The following MAST4 variants were observed in gnomAD, a reference collection of about 807,000 sequenced individuals.
MAST4 encodes the protein microtubule associated serine/threonine kinase family member 4, also known as microtubule-associated serine/threonine-protein kinase 4.
In MAST4, 89 loss-of-function variants were observed where a neutral mutation model predicts 162.7. That is an observed-to-expected ratio of 0.55 (90% confidence interval 0.46 to 0.65). The LOEUF (loss-of-function observed/expected upper bound fraction) is 0.65. MAST4 is among the 30% of genes least tolerant of loss of function. The probability of loss-of-function intolerance (pLI) is 0.00; values close to 1 mark genes in which losing one functional copy is unlikely to be tolerated. For missense variants in MAST4, 3,153 were observed against 3,374.0 expected, an observed-to-expected ratio of 0.93 and a Z score of 1.62; for synonymous variants, 1,479 against 1,361.1, an observed-to-expected ratio of 1.09 and a Z score of -1.91.
chr5:67,138,428 T>G (rs1365211555), intron 19 of MAST4, among the ~76,000 whole-genome samples: 1 of 151,970 alleles, frequency 6.6e-6, no homozygotes, highest in East Asian at 1.9e-4. Flanking sequence ...GGTGGGTGGG[T>G]GGGGTGGTTT....
intron 4 of MAST4, among the ~76,000 whole-genome samples, chr5:66,954,900 C>CAAAAAAAAAAAAAAAA (rs538274808): frequency 7.2e-5 from 10 of 139,428 alleles, no homozygotes; most frequent in African/African-American, 2.9e-4. Context: ...GACTCTGTCT[C>CAAAAAAAAAAAAAAAA]AAAAAAAAAA....
chr5:66,999,629 T>C (rs1360977477), intron 4 of MAST4, among the ~76,000 whole-genome samples: 1 of 152,194 alleles, frequency 6.6e-6, no homozygotes, highest in Non-Finnish European at 1.5e-5. Context: ...CTTCGGAGAT[T>C]GTGTAGTTCT....
rs146355439 is a variant in MAST4, at chr5:66,969,151, G to A, written c.674+69169G>A. 6.9e-3 allele frequency among the ~76,000 whole-genome samples: 1,056 copies of A among 152,314 alleles called. 12 individuals are homozygous for A. The highest frequency in any genetic ancestry group is 0.061 in the Middle Eastern group (18 of 294). On this transcript the variant is annotated intron_variant, in intron 4 of 28. Transcript: ENST00000403625. ...AAACCCGAAGCCCTTCAGTGAGTCT[G>A]TGTTCCTTTGCAGCCACATTCTGTC... is the stretch of plus-strand genomic sequence containing the variant.
chr5:66,789,988 A>ATTTTTTTTTTTTTTTTTTTTTTTT (rs57743987), intron 3 of MAST4, among the ~76,000 whole-genome samples: 4 of 52,476 alleles, frequency 7.6e-5, no homozygotes, highest in African/African-American at 3.4e-4. Flanking sequence ...GCTTATTAGA[A>ATTTTTTTTTTTTTTTTTTTTTTTT]TTTTTTTTTT....
At chr5:66,772,078 G>A (rs942269518) in intron 2 of MAST4, among the ~76,000 whole-genome samples, 2 of 152,178 alleles carry the variant, frequency 1.3e-5, no homozygotes, top group Non-Finnish European at 2.9e-5. Context: ...CACAAACAAT[G>A]ACTTGATTAT....
At chr5:66,954,779 T>C (rs1745100266) in intron 4 of MAST4, among the ~76,000 whole-genome samples, 1 of 152,022 alleles carries the variant, frequency 6.6e-6, no homozygotes, top group Non-Finnish European at 1.5e-5. Flanking sequence ...CATGTGCCTG[T>C]AGTTCCAGCT....
rs1456011347 is a variant in MAST4, at chr5:66,879,123, CA to C, written c.643-20822del. Reference sequence around the variant, plus strand: ...TGAAACCCTGTCTCTACTAAAAATACAAAAAATTAGCTGGGCGTGGTGGCGG... The same window carrying C: ...TGAAACCCTGTCTCTACTAAAAATACAAAAATTAGCTGGGCGTGGTGGCGG... On this transcript the variant is annotated intron_variant, in intron 3 of 28. Transcript: ENST00000403625. Among the ~76,000 whole-genome samples, 9 of 151,928 alleles carry C rather than the reference CA, an allele frequency of 5.9e-5. No homozygotes were observed. In the East Asian group the frequency reaches 1.6e-3, roughly 26 times the overall value.
intron 4 of MAST4, among the ~76,000 whole-genome samples, chr5:66,920,274 C>T (rs1234320631): frequency 1.3e-5 from 2 of 151,996 alleles, no homozygotes; most frequent in East Asian, 3.9e-4. Flanking sequence ...TGTTTCCCTA[C>T]TCTCGTTTGA....
intron 1 of MAST4, among the ~76,000 whole-genome samples, chr5:66,624,448 C>T (rs868443210): frequency 1.4e-4 from 22 of 152,022 alleles, no homozygotes; most frequent in African/African-American, 3.1e-4. Context: ...CCACAGCGCC[C>T]GGCCTGTTTA....
chr5:67,162,620 T>C lies in MAST4; in HGVS notation c.3799T>C (p.Phe1267Leu). The C allele has an allele frequency of 1.2e-6, 2 of 1,613,580 alleles. No individual in the cohort carries two copies. The highest frequency in any genetic ancestry group is 1.7e-6 in the Non-Finnish European group (2 of 1,179,696). Residue 1267 changes from phenylalanine to leucine, a missense_variant, in exon 28 of 29, where the codon TTC becomes CTC. Around this residue, in one of 7 missense-constraint regions of MAST4, gnomAD observed 619 missense variants for 744.2 expected, o/e 0.83. Transcript: ENST00000403625. ...GTTTTTCTGTAGGAGGAGATCTCTT[T>C]TCAAAAAGCTAGCCAAGCAGCCTTC... ...KESLERRRSL[F>L]KKLAKQPSPL... is the part of the protein sequence containing the mutation.
intron 4 of MAST4, among the ~76,000 whole-genome samples, chr5:66,917,533 T>A (rs1561443410): frequency 2.0e-5 from 3 of 151,776 alleles, no homozygotes; most frequent in Non-Finnish European, 4.4e-5. Flanking sequence ...TCACTATTTT[T>A]AAAAAAACAT....
chr5:67,125,526 G>A (rs1768119819), intron 14 of MAST4, among the ~76,000 whole-genome samples: 2 of 152,028 alleles, frequency 1.3e-5, no homozygotes, highest in African/African-American at 4.8e-5. Context: ...TCCTGTGTTA[G>A]TTTGCTGAGA....
intron 9 of MAST4, among the ~76,000 whole-genome samples, chr5:67,102,845 C>T (rs1162932921): frequency 6.6e-6 from 1 of 152,122 alleles, no homozygotes; most frequent in Non-Finnish European, 1.5e-5. Flanking sequence ...GTGAACCTGC[C>T]ACTTGTGCAC....
chr5:67,023,087 A>G (rs1288724161), intron 4 of MAST4, among the ~76,000 whole-genome samples: 1 of 152,206 alleles, frequency 6.6e-6, no homozygotes, highest in East Asian at 1.9e-4. Flanking sequence ...TATTAGAAAT[A>G]TCCTGTGGAG....
intron 4 of MAST4, among the ~76,000 whole-genome samples, chr5:66,936,024 C>G (rs1243118838): frequency 6.6e-6 from 1 of 152,110 alleles, no homozygotes; most frequent in African/African-American, 2.4e-5. Context: ...GATGTGAACA[C>G]CAAGGCCCAG....
intron 1 of MAST4, among the ~76,000 whole-genome samples, chr5:66,643,090 T>G (rs1250597379): frequency 6.6e-6 from 1 of 152,204 alleles, no homozygotes; most frequent in Non-Finnish European, 1.5e-5. Flanking sequence ...CGCTCAGATC[T>G]GTATTCTAGG....
At chr5:66,669,656 A>G (rs1268502403) in intron 1 of MAST4, among the ~76,000 whole-genome samples, 3 of 152,170 alleles carry the variant, frequency 2.0e-5, no homozygotes, top group Non-Finnish European at 2.9e-5. Flanking sequence ...GCTACTGGCT[A>G]AAGAAGGTGT....
intron 3 of MAST4, among the ~76,000 whole-genome samples, chr5:66,848,125 C>T (rs1221477589): frequency 6.6e-6 from 1 of 152,014 alleles, no homozygotes; most frequent in African/African-American, 2.4e-5. Flanking sequence ...TTTTAATTTG[C>T]TTACTATTTG....
At chr5:66,617,829 C>T (rs1053550070) in intron 1 of MAST4, among the ~76,000 whole-genome samples, 8 of 152,108 alleles carry the variant, frequency 5.3e-5, no homozygotes, top group Non-Finnish European at 8.8e-5. Context: ...AAAACATCAA[C>T]GCGTACTAAT....
Sources: allele counts gnomAD v4.1 joint callset (sites outside exome capture counted in the v4.1 genomes callset), GRCh38; gene constraint gnomAD v4.1.1; regional missense constraint gnomAD v4.1.1; transcripts MANE v1.5; gene names NCBI Gene and HGNC (gene_info 2026-07-23, HGNC 2026-07-21).